ATL1: variants seen among roughly 807,000 people sequenced by gnomAD.
ATL1 encodes atlastin-1.
ATL1 carries 31 observed loss-of-function variants against 75.5 expected under a neutral mutation model. That is an observed-to-expected ratio of 0.41 (90% CI 0.31 to 0.55). The LOEUF (loss-of-function observed/expected upper bound fraction) is 0.55. ATL1 is among the 20% of genes least tolerant of loss of function. The pLI is 0.27. For synonymous variants in ATL1, 226 were observed against 233.3 expected, an observed-to-expected ratio of 0.97 and a Z score of 0.28; for missense variants, 405 against 662.6, an observed-to-expected ratio of 0.61 and a Z score of 4.27.
At chr14:50,537,412 T>C (rs1306589004) in intron 1 of ATL1, among the ~76,000 whole-genome samples, 1 of 152,180 alleles carries the variant, frequency 6.6e-6, no homozygotes, top group Admixed American at 6.5e-5. Flanking sequence ...TCTGCTAGGG[T>C]GGTGCGAAAG....
intron 1 of ATL1, among the ~76,000 whole-genome samples, chr14:50,571,636 A>AT (rs1446359161): frequency 7.2e-5 from 11 of 152,268 alleles, no homozygotes; most frequent in African/African-American, 2.6e-4. Context: ...AGATCAATAG[A>AT]TTTTTTATGT....
At chr14:50,560,005 G>A (rs2038814970), upstream of ATL1, 1 of 559,740 alleles carries the variant, frequency 1.8e-6, no homozygotes, top group African/African-American at 1.9e-5. Context: ...TGTCTTCACG[G>A]TCTGGGGGTG....
At chr14:50,615,465 C>A (rs10144496) in intron 8 of ATL1, among the ~76,000 whole-genome samples, 110,798 of 152,090 alleles carry the variant, frequency 0.73, 40,789 homozygotes, top group East Asian at 0.82. Context: ...TATTTTTGTC[C>A]CTGCACCCAT....
At chr14:50,575,234 T>C (rs1346123854) in intron 1 of ATL1, among the ~76,000 whole-genome samples, 1 of 151,830 alleles carries the variant, frequency 6.6e-6, no homozygotes. Flanking sequence ...TTGAATGGTT[T>C]ATGGAATTCT....
intron 1 of ATL1, among the ~76,000 whole-genome samples, chr14:50,541,056 C>T (rs1016523324): frequency 6.6e-6 from 1 of 152,228 alleles, no homozygotes; most frequent in East Asian, 1.9e-4. Flanking sequence ...CAAATCAGAA[C>T]AGCTCTTGGC....
At chr14:50,535,310 T>C (rs1049919523) in intron 1 of ATL1, among the ~76,000 whole-genome samples, 2 of 152,234 alleles carry the variant, frequency 1.3e-5, no homozygotes, top group Non-Finnish European at 2.9e-5. Context: ...TATATAAAGC[T>C]AAGGTTCACA....
rs374630097 is a variant in ATL1 at position 50,631,713 on chromosome 14, G to A, written c.1567-516G>A. Among the ~76,000 whole-genome samples, 165 of 152,256 alleles carry A rather than the reference G, an allele frequency of 1.1e-3. 3 individuals are homozygous for A. The South Asian group carries it at 0.031, about 29-fold the overall frequency. Reference sequence around the variant, plus strand: ...TAAGTCACGGAAACAAGGCAAGAGCGTGTAAAGTGAAGGATCCTACTGTGC... The same window carrying A: ...TAAGTCACGGAAACAAGGCAAGAGCATGTAAAGTGAAGGATCCTACTGTGC... On this transcript the variant is annotated intron_variant, in intron 13 of 13. Coordinates refer to ENST00000358385, the MANE Select transcript of ATL1 (RefSeq NM_015915.5).
At chr14:50,560,384 A>C (rs1305746615) in intron 1 of ATL1, 85 bp downstream of exon 1, 24 of 1,525,560 alleles carry the variant, frequency 1.6e-5, no homozygotes, top group Non-Finnish European at 2.1e-5. Context: ...GGGAGGGCCA[A>C]GGGCTGCTAG....
intron 7 of ATL1, among the ~76,000 whole-genome samples, 185 bp downstream of exon 7, chr14:50,613,536 C>T (rs1418525356): frequency 6.6e-6 from 1 of 152,102 alleles, no homozygotes; most frequent in Non-Finnish European, 1.5e-5. Context: ...AAAGATAAAA[C>T]TTTTACTTTG....
intron 5 of ATL1, among the ~76,000 whole-genome samples, chr14:50,594,643 C>T (rs774431536): frequency 6.6e-6 from 1 of 152,158 alleles, no homozygotes; most frequent in Non-Finnish European, 1.5e-5. Context: ...GAGCACAACT[C>T]TCCAGGTTTA....
At chr14:50,561,691 G>C (rs1325264525) in intron 1 of ATL1, among the ~76,000 whole-genome samples, 1 of 152,092 alleles carries the variant, frequency 6.6e-6, no homozygotes, top group African/African-American at 2.4e-5. Context: ...GGAGCGGGGA[G>C]GTCTGTCATG....
intron 1 of ATL1, among the ~76,000 whole-genome samples, chr14:50,548,609 AT>A: frequency 6.6e-6 from 1 of 152,246 alleles, no homozygotes; most frequent in Admixed American, 6.5e-5. Flanking sequence ...TCCCAGGTTC[AT>A]GCCATTCTCC....
At chr14:50,581,412 G>A (rs2140194827) in intron 1 of ATL1, among the ~76,000 whole-genome samples, 1 of 152,118 alleles carries the variant, frequency 6.6e-6, no homozygotes, top group Non-Finnish European at 1.5e-5. Flanking sequence ...TAGAAGATAA[G>A]AGGGCTTGTC....
At chr14:50,587,271 G>C (rs1338819975) in intron 1 of ATL1, among the ~76,000 whole-genome samples, 1 of 152,178 alleles carries the variant, frequency 6.6e-6, no homozygotes, top group Non-Finnish European at 1.5e-5. Context: ...AGAGACATCT[G>C]CACTGACTTA....
chr14:50,589,027 C>G (rs1025200744), intron 2 of ATL1, among the ~76,000 whole-genome samples: 2 of 152,122 alleles, frequency 1.3e-5, no homozygotes, highest in Non-Finnish European at 2.9e-5. Flanking sequence ...CCAAAGAAAA[C>G]ATACCATAGA....
Position 50,568,216 on chromosome 14 carries a change from C to T in ATL1, c.34+7917C>T, listed in dbSNP as rs371765855. ...TTGTCATTGTTATATATTCAAATGC[C>T]GTATTAAAACTTTTATTAGTATATG... On this transcript the variant is annotated intron_variant, in intron 1 of 13. Transcript: ENST00000358385. Among the ~76,000 whole-genome samples the T allele has an allele frequency of 1.1e-3, 164 of 152,060 alleles. 2 individuals are homozygous for T. In the South Asian group the frequency reaches 0.032, roughly 29 times the overall value.
intron 1 of ATL1, among the ~76,000 whole-genome samples, chr14:50,569,365 G>A (rs1333713349): frequency 1.3e-5 from 2 of 150,908 alleles, no homozygotes; most frequent in Admixed American, 1.3e-4. Context: ...GTCTCATTGA[G>A]CTGTGATCAT....
chr14:50,605,355 T>G (rs959773400), intron 6 of ATL1, among the ~76,000 whole-genome samples: 3 of 151,972 alleles, frequency 2.0e-5, no homozygotes, highest in Non-Finnish European at 4.4e-5. Context: ...AAATTTGTCT[T>G]GATTTCTATT....
Position 50,594,802 on chromosome 14 carries a change from C to T in ATL1, c.574-774C>T, listed in dbSNP as rs139993547. Among the ~76,000 whole-genome samples the T allele has an allele frequency of 7.4e-3, 1,125 of 152,164 alleles. 9 individuals carry two copies. The highest frequency in any genetic ancestry group is 0.026 in the African/African-American group (1,085 of 41,530). ...TTGAGCCCAGGAGTTTGAGACCAGC[C>T]TGGGCAACATGGTGAAACCCTATCT... On this transcript the variant is annotated intron_variant, in intron 5 of 13. Transcript: ENST00000358385.
Sources: gnomAD v4.1 joint callset for allele counts (sites outside exome capture counted in the v4.1 genomes callset) on GRCh38, gnomAD v4.1.1 for gene constraint, MANE v1.5 for transcripts, NCBI Gene and HGNC (gene_info 2026-07-23, HGNC 2026-07-21) for gene names.